ZNF385D: variants seen among roughly 807,000 people sequenced by gnomAD.
ZNF385D encodes zinc finger protein 385D, also known as zinc finger protein 659.
Under a neutral mutation model 35.8 loss-of-function variants are expected in ZNF385D, and 15 were observed. That is an observed-to-expected ratio of 0.42 (90% CI 0.28 to 0.64). The LOEUF (loss-of-function observed/expected upper bound fraction) is 0.64, where lower values mean the gene tolerates loss of function less well. Ranked by LOEUF, ZNF385D falls within the 30% of genes least tolerant of loss-of-function variation. ZNF385D has a pLI of 0.23. For synonymous variants in ZNF385D, 212 were observed against 186.8 expected, an observed-to-expected ratio of 1.13 and a Z score of -1.10; for missense variants, 474 against 494.6, an observed-to-expected ratio of 0.96 and a Z score of 0.39.
rs17582078 is a variant in ZNF385D, at chr3:21,938,467, G to A, written c.325+230350C>T. Among the ~76,000 whole-genome samples, 1,427 of 152,284 alleles carry A rather than the reference G, an allele frequency of 9.4e-3. 14 individuals are homozygous for A. Among genetic ancestry groups the A allele is most frequent in the South Asian group, 0.023 (112 of 4,830 alleles). Reference sequence around the variant, plus strand: ...CTAGGCAATTATTGGCCTACCCACAGCACATACATGAATTAGACCTTGTTC... The same window carrying A: ...CTAGGCAATTATTGGCCTACCCACAACACATACATGAATTAGACCTTGTTC... On this transcript the variant is annotated intron_variant, in intron 3 of 5. Coordinates refer to the ZNF385D transcript ENST00000494108.
chr3:21,429,971 T>C (rs1423146477), intron 5 of ZNF385D, among the ~76,000 whole-genome samples: 1 of 152,022 alleles, frequency 6.6e-6, no homozygotes, highest in Non-Finnish European at 1.5e-5. Flanking sequence ...TATAATAGCA[T>C]TATAACTCTT....
chr3:22,215,992 A>ACATCTGGCTGAATTTCCCCCAG lies in ZNF385D; in HGVS notation c.107-46958_107-46957insCTGGGGGAAATTCAGCCAGATG, dbSNP rs1209633877. The stretch of plus-strand genomic sequence containing the variant: ...CCAACATCTGGCTGAATTTCCCCCA[A>ACATCTGGCTGAATTTCCCCCAG]TAGCTATGGAATTGCTCCCAGTTCT... On this transcript the variant is annotated intron_variant, in intron 2 of 5. Coordinates refer to the ZNF385D transcript ENST00000494108. Among the ~76,000 whole-genome samples, 34 of 151,762 alleles carry ACATCTGGCTGAATTTCCCCCAG rather than the reference A, an allele frequency of 2.2e-4. 1 individual carries two copies. Among genetic ancestry groups the ACATCTGGCTGAATTTCCCCCAG allele is most frequent in the African/African-American group, 8.2e-4 (34 of 41,298 alleles).
At chr3:22,136,564 G>T (rs190305776) in intron 3 of ZNF385D, among the ~76,000 whole-genome samples, 211 of 152,158 alleles carry the variant, frequency 1.4e-3, no homozygotes, top group African/African-American at 4.8e-3. Flanking sequence ...AATAATAAGG[G>T]TAGGAAAAAT....
Position 22,222,607 on chromosome 3 carries a change from C to T in ZNF385D, c.107-53572G>A, listed in dbSNP as rs142854583. 1.5e-3 allele frequency among the ~76,000 whole-genome samples: 235 copies of T among 152,220 alleles called. 1 individual carries two copies. Among genetic ancestry groups the T allele is most frequent in the African/African-American group, 5.2e-3 (215 of 41,544 alleles). ...CTAGCAGGACAATGGACTAGCTATA[C>T]GACTGTGGGGAAGCTACTTACTGCT... is the stretch of plus-strand genomic sequence containing the variant. On this transcript the variant is annotated intron_variant, in intron 2 of 5. Transcript: ENST00000494108.
intron 3 of ZNF385D, among the ~76,000 whole-genome samples, chr3:21,956,456 C>T (rs1301343057): frequency 2.0e-5 from 3 of 151,926 alleles, no homozygotes; most frequent in Admixed American, 2.0e-4. Context: ...AAAGGATTGA[C>T]ACTCTACAGT....
At position 22,201,976 on chromosome 3, in the gene ZNF385D, A is replaced by G. The variant is rs762878260; in HGVS notation, c.107-32941T>C. Among the ~76,000 whole-genome samples the G allele has an allele frequency of 3.5e-4, 53 of 152,046 alleles. 2 individuals carry two copies. The highest frequency in any genetic ancestry group is 2.1e-4 in the Non-Finnish European group (14 of 67,996). ...AAAATTGAGTGTGTTAGATAAAATG[A>G]CATATTAAAAGAGTCCAGAAACATT... On this transcript the variant is annotated intron_variant, in intron 2 of 5. Coordinates refer to the ZNF385D transcript ENST00000494108.
In ZNF385D at chr3:22,277,872, T is replaced by C. The variant is rs1052256248; in HGVS notation, c.106+94578A>G. ...TAAGGCATGTGGGAAGGCCCTGATATGAATTAAGGCTTAGTGTGTTTAAAG... is the reference window on the plus strand; with the variant it reads ...TAAGGCATGTGGGAAGGCCCTGATACGAATTAAGGCTTAGTGTGTTTAAAG... On this transcript the variant is annotated intron_variant, in intron 2 of 5. Transcript: ENST00000494108. Among the ~76,000 whole-genome samples the C allele has an allele frequency of 3.3e-5, 5 of 152,044 alleles. No individual in the cohort carries two copies. In the South Asian group the frequency reaches 6.2e-4, roughly 19 times the overall value.
intron 4 of ZNF385D, among the ~76,000 whole-genome samples, chr3:21,467,318 A>G (rs961645802): frequency 1.3e-5 from 2 of 152,154 alleles, no homozygotes; most frequent in Non-Finnish European, 2.9e-5. Flanking sequence ...GAGTTTAGAA[A>G]ATATTTTAGA....
intron 4 of ZNF385D, among the ~76,000 whole-genome samples, chr3:21,501,633 A>G (rs937275239): frequency 1.3e-5 from 2 of 152,198 alleles, no homozygotes; most frequent in Non-Finnish European, 2.9e-5. Context: ...TACTCATTTG[A>G]CATTCTGTCA....
intron 3 of ZNF385D, among the ~76,000 whole-genome samples, chr3:21,789,194 A>T (rs1455565189): frequency 6.6e-6 from 1 of 152,254 alleles, no homozygotes; most frequent in African/African-American, 2.4e-5. Flanking sequence ...ATACTGATTT[A>T]ATTAAATCTA....
intron 1 of ZNF385D, among the ~76,000 whole-genome samples, chr3:21,675,019 C>A (rs1397511558): frequency 1.3e-5 from 2 of 151,972 alleles, no homozygotes; most frequent in Non-Finnish European, 2.9e-5. Context: ...ATATTGTACC[C>A]ATTTTTTTAT....
At chr3:22,279,566 A>ATG (rs1553640909) in intron 2 of ZNF385D, among the ~76,000 whole-genome samples, 1 of 146,084 alleles carries the variant, frequency 6.8e-6, no homozygotes, top group Non-Finnish European at 1.5e-5. Flanking sequence ...ATATGTACAT[A>ATG]TATATGTATA....
At chr3:21,616,217 C>A (rs2125801896) in intron 2 of ZNF385D, among the ~76,000 whole-genome samples, 1 of 152,190 alleles carries the variant, frequency 6.6e-6, no homozygotes, top group Admixed American at 6.5e-5. Flanking sequence ...AAATAAAGGT[C>A]AACCAAAGGG....
chr3:21,945,778 A>G (rs772833997), intron 3 of ZNF385D, among the ~76,000 whole-genome samples: 1 of 152,216 alleles, frequency 6.6e-6, no homozygotes, highest in Non-Finnish European at 1.5e-5. Flanking sequence ...GAAATGTCTT[A>G]AAGAAAAATT....
chr3:21,910,984 A>G (rs1052979792), intron 3 of ZNF385D, among the ~76,000 whole-genome samples: 2 of 152,002 alleles, frequency 1.3e-5, no homozygotes, highest in Admixed American at 6.6e-5. Context: ...AGTATTTTCT[A>G]AAATCCCTAG....
At chr3:21,809,125 A>G (rs7644680) in intron 3 of ZNF385D, among the ~76,000 whole-genome samples, 49,687 of 152,072 alleles carry the variant, frequency 0.33, 8,239 homozygotes, top group South Asian at 0.38. Context: ...TCTCAAAAAC[A>G]CACAAAGTAC....
At chr3:21,975,817 A>AT (rs1703581745) in intron 3 of ZNF385D, among the ~76,000 whole-genome samples, 1 of 141,560 alleles carries the variant, frequency 7.1e-6, no homozygotes, top group African/African-American at 3.0e-5. Context: ...ACCCATGAAA[A>AT]TAAAAAAAAA....
At chr3:22,174,158 A>G (rs932935561) in intron 2 of ZNF385D, among the ~76,000 whole-genome samples, 1 of 152,178 alleles carries the variant, frequency 6.6e-6, no homozygotes, top group Non-Finnish European at 1.5e-5. Flanking sequence ...ATAAAATGAA[A>G]GTATGTAAAA....
intron 3 of ZNF385D, among the ~76,000 whole-genome samples, chr3:22,151,342 A>C (rs79175082): frequency 2.6e-5 from 4 of 152,240 alleles, no homozygotes; most frequent in African/African-American, 9.6e-5. Context: ...TGTCAGGTGG[A>C]AACCAAGAGT....
Sources: gnomAD v4.1 joint callset for allele counts (sites outside exome capture counted in the v4.1 genomes callset) on GRCh38, gnomAD v4.1.1 for gene constraint, MANE v1.5 for transcripts, NCBI Gene and HGNC (gene_info 2026-07-23, HGNC 2026-07-21) for gene names.